The following TBL2 variants were observed in gnomAD, a reference collection of about 807,000 sequenced individuals.
TBL2 encodes transducin beta like 2.
Under a neutral mutation model 41.8 loss-of-function variants are expected in TBL2, and 33 were observed. That is an observed-to-expected ratio of 0.79 (90% CI 0.60 to 1.06). The LOEUF is 1.06. TBL2 is among the 50% of genes least tolerant of loss of function. TBL2 has a pLI of 0.00. For missense variants in TBL2, 522 were observed against 603.8 expected (o/e 0.86, Z 1.42); for synonymous variants, 239 against 241.7 (o/e 0.99, Z 0.10).
rs1218760307 is a variant in TBL2 at position 73,571,255 on chromosome 7, C to T, written c.812G>A (p.Arg271Gln). 1.7e-5 allele frequency: 27 copies of T among 1,614,218 alleles called. No individual in the cohort carries two copies. The highest frequency in any genetic ancestry group is 2.0e-5 in the Non-Finnish European group (24 of 1,180,044). Residue 271 changes from arginine to glutamine, a missense_variant, in exon 6 of 7, where the codon CGA becomes CAA. Physicochemically the swap from Arg to Gln is conservative, Grantham distance 43. Coordinates refer to ENST00000305632, the MANE Select transcript of TBL2 (RefSeq NM_012453.4). The stretch of plus-strand genomic sequence containing the variant: ...GGAGTGGCCCTTTAGTTCGAAGGCT[C>T]GCACCACCTCCTGGAACTCCCCCTT... ...GKKGEFQEVV[R>Q]AFELKGHSAA...
chr7:73,577,333 T>C (rs1207950063), intron 1 of TBL2, among the ~76,000 whole-genome samples: 2 of 151,090 alleles, frequency 1.3e-5, no homozygotes, highest in South Asian at 2.1e-4. Context: ...CTCAGCACTT[T>C]TGGAGGCCAG....
At chr7:73,576,265 C>T (rs1488973533) in intron 1 of TBL2, among the ~76,000 whole-genome samples, 1 of 150,818 alleles carries the variant, frequency 6.6e-6, no homozygotes, top group Non-Finnish European at 1.5e-5. Context: ...GATCTCCTGA[C>T]CTTGTGACCT....
At chr7:73,571,484 C>T (rs1303142642) in intron 5 of TBL2, 143 bp from the exon 6 acceptor site, 5 of 1,173,858 alleles carry the variant, frequency 4.3e-6, no homozygotes, top group Non-Finnish European at 3.5e-6. Context: ...TGGCCGGGCG[C>T]GGTGGCTCAC....
In TBL2 at chr7:73,578,556, G is replaced by A. The variant is rs1006232377; in HGVS notation, c.-7C>T. ...ACATCTGCGAGAGCTCCATGTTGGT[G>A]GAACCACTGCCACCTCAGCTAGTGA... On this transcript the variant is annotated 5_prime_UTR_variant, in exon 1 of 7. Transcript: ENST00000305632. 4 of 1,586,980 alleles carry A rather than the reference G, an allele frequency of 2.5e-6. No homozygotes were observed. Among genetic ancestry groups the A allele is most frequent in the African/African-American group, 1.4e-5 (1 of 71,676 alleles).
Position 73,570,129 on chromosome 7 carries a change from T to G in TBL2, c.*378A>C, listed in dbSNP as rs1792831851. 1 of 180,800 alleles carries G rather than the reference T, an allele frequency of 5.5e-6. No individual in the cohort carries two copies. The highest frequency in any genetic ancestry group is 2.4e-5 in the African/African-American group (1 of 42,270). The allele number at this position is 180,800 out of a possible 1,614,324, so 11.2% of individuals were successfully genotyped here. A position where few individuals can be genotyped will look rare whatever the true frequency, so the allele number is the denominator to read the frequency against. On this transcript the variant is annotated 3_prime_UTR_variant, in exon 7 of 7. Transcript: ENST00000305632. ...GCAAAACTGCTGCTTAGTACTCAGGTGTTCTCTAGGTTGTTCTGGAACATT... is the reference window on the plus strand; with the variant it reads ...GCAAAACTGCTGCTTAGTACTCAGGGGTTCTCTAGGTTGTTCTGGAACATT...
intron 1 of TBL2, among the ~76,000 whole-genome samples, chr7:73,575,442 C>A (rs1313873972): frequency 2.0e-5 from 3 of 152,160 alleles, no homozygotes; most frequent in Non-Finnish European, 4.4e-5. Flanking sequence ...AGGCGCCCGC[C>A]ACCATGCCCG....
chr7:73,573,052 C>A, intron 4 of TBL2, 82 bp from the exon 5 acceptor site: 1 of 1,583,596 alleles, frequency 6.3e-7, no homozygotes, highest in South Asian at 1.2e-5. Context: ...AAGGCCTCTG[C>A]TGCCCGAAGT....
intron 4 of TBL2, 101 bp from the exon 5 acceptor site, chr7:73,573,071 C>T: frequency 6.5e-7 from 1 of 1,539,688 alleles, no homozygotes; most frequent in Non-Finnish European, 8.8e-7. Context: ...GTATACATGT[C>T]TCCTCCCAGG....
intron 4 of TBL2, 168 bp from the exon 5 acceptor site, chr7:73,573,138 C>G: frequency 3.7e-6 from 5 of 1,362,112 alleles, no homozygotes; most frequent in Non-Finnish European, 5.0e-6. Flanking sequence ...CCCCACCTTC[C>G]CTAGGGACCT....
In TBL2 at chr7:73,574,130, A is replaced by G. The variant is rs1332580533; in HGVS notation, c.262-8T>C. The G allele has an allele frequency of 6.2e-7, 1 of 1,613,270 alleles. No homozygotes were observed. The highest frequency in any genetic ancestry group is 1.1e-5 in the South Asian group (1 of 91,032). ...TATGTTCCCGCTGTGGCTCTAGGGG[A>G]AGGGTGGCAGGAAGTGTCAATAGGA... On this transcript the variant is annotated splice_polypyrimidine_tract_variant and splice_region_variant and intron_variant, in intron 2 of 6. Coordinates refer to ENST00000305632, the MANE Select transcript of TBL2 (RefSeq NM_012453.4).
chr7:73,570,974 T>G lies in TBL2; in HGVS notation c.879-2A>C. 2 of 1,593,340 alleles carry G rather than the reference T, an allele frequency of 1.3e-6. No homozygotes were observed. The highest frequency in any genetic ancestry group is 1.7e-4 in the Middle Eastern group (1 of 5,944). ...CCATCCTTGGAGACAGAAGCCATCCTGCAACACAGAAAATCACAGCTCAAG... is the reference window on the plus strand; with the variant it reads ...CCATCCTTGGAGACAGAAGCCATCCGGCAACACAGAAAATCACAGCTCAAG... On this transcript the variant is annotated splice_acceptor_variant, in intron 6 of 6. Transcript: ENST00000305632. LOFTEE classifies it high-confidence loss of function.
In TBL2 at chr7:73,567,818, A is replaced by G. The variant is rs1792708215; in HGVS notation, c.*2689T>C. ...CACAACATGGCAAGGTGGGTAGCACAGGATTCATTCTTATTTTGCAGCTGA... is the reference window on the plus strand; with the variant it reads ...CACAACATGGCAAGGTGGGTAGCACGGGATTCATTCTTATTTTGCAGCTGA... On this transcript the variant is annotated 3_prime_UTR_variant, in exon 7 of 7. Transcript: ENST00000305632. 6.6e-6 allele frequency among the ~76,000 whole-genome samples: 1 copy of G among 152,136 alleles called. No individual in the cohort carries two copies. Among genetic ancestry groups the G allele is most frequent in the Non-Finnish European group, 1.5e-5 (1 of 68,028 alleles).
Position 73,570,473 on chromosome 7 carries a change from C to T in TBL2, c.*34G>A. ...AGTGCCATGAGGAGGCCAGATCCCTCCTCCTCAATCCTCTGCGCCGGGCCC... is the reference window on the plus strand; with the variant it reads ...AGTGCCATGAGGAGGCCAGATCCCTTCTCCTCAATCCTCTGCGCCGGGCCC... On this transcript the variant is annotated 3_prime_UTR_variant, in exon 7 of 7. Coordinates refer to ENST00000305632, the MANE Select transcript of TBL2 (RefSeq NM_012453.4). The T allele has an allele frequency of 2.1e-6, 3 of 1,459,554 alleles. No homozygotes were observed. Among genetic ancestry groups the T allele is most frequent in the Non-Finnish European group, 2.7e-6 (3 of 1,107,700 alleles). 90.4% of individuals were successfully genotyped at this position (1,459,554 alleles called of 1,614,324 possible).
At position 73,572,966 on chromosome 7, in the gene TBL2, C is replaced by T; in HGVS notation, c.603G>A (p.Lys201=). 6.2e-7 allele frequency: 1 copy of T among 1,614,188 alleles called. No homozygotes were observed. Among genetic ancestry groups the T allele is most frequent in the Non-Finnish European group, 8.5e-7 (1 of 1,180,030 alleles). ...VIDIGIANTG[K]FIMTASSDTT... is the part of the protein sequence containing the mutation. Reference sequence around the variant, plus strand: ...TGTCACTGGAGGCAGTCATGATAAACTTCCCTGAGCGGGAAGGGAGTGATG... The same window carrying T: ...TGTCACTGGAGGCAGTCATGATAAATTTCCCTGAGCGGGAAGGGAGTGATG... The change falls in exon 5 of 7, where the codon AAG becomes AAA. Residue 201 remains lysine (K), a synonymous_variant. Coordinates refer to ENST00000305632, the MANE Select transcript of TBL2 (RefSeq NM_012453.4).
Position 73,569,395 on chromosome 7 carries a change from T to G in TBL2, c.*1112A>C, listed in dbSNP as rs1792785806. The G allele has an allele frequency of 6.6e-6, 1 of 152,090 alleles. No homozygotes were observed. The highest frequency in any genetic ancestry group is 1.5e-5 in the Non-Finnish European group (1 of 68,022). 9.4% of individuals were successfully genotyped at this position (152,090 alleles called of 1,614,324 possible). On this transcript the variant is annotated 3_prime_UTR_variant, in exon 7 of 7. Coordinates refer to ENST00000305632, the MANE Select transcript of TBL2 (RefSeq NM_012453.4). ...GAGTTTGACTTGGGATGAATAAATT[T>G]GCCTACACTCAAGCCTTCCCAGATA...
At chr7:73,574,820 A>C (rs547201749) in intron 1 of TBL2, 205 of 457,568 alleles carry the variant, frequency 4.5e-4, no homozygotes, top group Non-Finnish European at 7.4e-4. Flanking sequence ...TCAAAAAAAA[A>C]CAAACAGAAA....
At position 73,575,287 on chromosome 7, in the gene TBL2, A is replaced by C. The variant is rs1298383705; in HGVS notation, c.131-774T>G. Among the ~76,000 whole-genome samples the C allele has an allele frequency of 1.0e-4, 14 of 137,748 alleles. No homozygotes were observed. The Admixed American group carries it at 1.1e-3, about 10-fold the overall frequency. The allele number at this position is 137,748 out of a possible 152,430, so 90.4% of individuals were successfully genotyped here. On this transcript the variant is annotated intron_variant, in intron 1 of 6. Coordinates refer to ENST00000305632, the MANE Select transcript of TBL2 (RefSeq NM_012453.4). ...ATCATGGGCGTGCACCACCATATCC[A>C]GCTAATTTTTTTTTTTTTTTTCAGA...
chr7:73,575,384 G>C (rs951355053), intron 1 of TBL2, among the ~76,000 whole-genome samples: 1 of 151,118 alleles, frequency 6.6e-6, no homozygotes, highest in Non-Finnish European at 1.5e-5. Flanking sequence ...TCTGCCTCCC[G>C]GGTTCACGCC....
chr7:73,573,015 C>T (rs1793067906), intron 4 of TBL2, 45 bp from the exon 5 acceptor site: 1 of 1,612,068 alleles, frequency 6.2e-7, no homozygotes, highest in Admixed American at 1.7e-5. Context: ...GTGACCTGAC[C>T]AACTGTCACT....
Sources: allele counts gnomAD v4.1 joint callset (sites outside exome capture counted in the v4.1 genomes callset), GRCh38; gene constraint gnomAD v4.1.1; transcripts MANE v1.5; gene names NCBI Gene and HGNC (gene_info 2026-07-23, HGNC 2026-07-21).